Variants in XRRA1 observed in about 807,000 individuals in gnomAD.
The protein encoded by XRRA1 is X-ray radiation resistance associated 1, also known as X-ray radiation resistance-associated protein 1.
Under a neutral mutation model 80.2 loss-of-function variants are expected in XRRA1, and 69 were observed. The observed-to-expected ratio is 0.86, with a 90% CI of 0.71 to 1.05. The LOEUF (loss-of-function observed/expected upper bound fraction) is 1.05. Ranked by LOEUF, XRRA1 falls within the 50% of genes least tolerant of loss-of-function variation. XRRA1 has a pLI of 0.00. For synonymous variants in XRRA1, 348 were observed against 389.9 expected, an observed-to-expected ratio of 0.89 and a Z score of 1.27; for missense variants, 967 against 976.4, an observed-to-expected ratio of 0.99 and a Z score of 0.13.
chr11:74,930,594 T>C (rs951065654), intron 5 of XRRA1, among the ~76,000 whole-genome samples: 3 of 152,198 alleles, frequency 2.0e-5, no homozygotes, highest in Admixed American at 6.5e-5. Context: ...GGAATGACAC[T>C]CTGAAGACCC....
rs2036869175 is a variant in XRRA1 at position 74,843,255 on chromosome 11, AG to A, written c.2347del (p.Leu783SerfsTer48). On this transcript the variant is annotated frameshift_variant, in exon 19 of 19. Coordinates refer to ENST00000684022, the MANE Select transcript of XRRA1 (RefSeq NM_001378157.1). LOFTEE classifies it high-confidence loss of function. ...CTGGCAGAACTCATCCATGAACTCGAGGAAGTGGCCGAACTTGGGCTGGCTC... is the reference window on the plus strand; with the variant it reads ...CTGGCAGAACTCATCCATGAACTCGAGAAGTGGCCGAACTTGGGCTGGCTC... ...SESQPKFGHF[L>X]EFMDEFCQEP... is the part of the protein sequence containing the mutation. 8.3e-6 allele frequency: 13 copies of A among 1,570,928 alleles called. No individual in the cohort carries two copies. The highest frequency in any genetic ancestry group is 1.0e-5 in the Non-Finnish European group (12 of 1,158,174).
intron 10 of XRRA1, among the ~76,000 whole-genome samples, chr11:74,881,732 G>A (rs1307803659): frequency 6.6e-6 from 1 of 151,868 alleles, no homozygotes; most frequent in East Asian, 1.9e-4. Flanking sequence ...GCATTTGCTT[G>A]TCTGTAAAGG....
intron 4 of XRRA1, 89 bp downstream of exon 4, chr11:74,936,795 G>A (rs1945092851): frequency 7.0e-7 from 1 of 1,427,056 alleles, no homozygotes; most frequent in Non-Finnish European, 9.4e-7. Flanking sequence ...TAGATTGGGG[G>A]TAGTTGTGCC....
chr11:74,880,869 G>A (rs1450442415), intron 10 of XRRA1, among the ~76,000 whole-genome samples: 2 of 151,482 alleles, frequency 1.3e-5, no homozygotes, highest in Non-Finnish European at 2.9e-5. Flanking sequence ...GCTGAGGAGA[G>A]TTTTACTTCC....
rs148033595 is a variant in XRRA1 at position 74,934,274 on chromosome 11, T to C, written c.280-402A>G. The stretch of plus-strand genomic sequence containing the variant: ...TCTATGCACTTTTGACTGCCATATG[T>C]CACCCGACATAATTTAAAAGTTAGA... On this transcript the variant is annotated intron_variant, in intron 4 of 18. Transcript: ENST00000684022. Among the ~76,000 whole-genome samples the C allele has an allele frequency of 7.2e-4, 109 of 152,364 alleles. 2 individuals are homozygous for C. The East Asian group carries it at 0.014, about 20-fold the overall frequency.
At chr11:74,865,683 A>G (rs1456361087) in intron 10 of XRRA1, among the ~76,000 whole-genome samples, 1 of 152,184 alleles carries the variant, frequency 6.6e-6, no homozygotes, top group African/African-American at 2.4e-5. Flanking sequence ...TTCCTACAAC[A>G]GATCCCAACA....
chr11:74,930,477 A>T, intron 5 of XRRA1, 105 bp from the exon 6 acceptor site: 2 of 877,858 alleles, frequency 2.3e-6, no homozygotes, highest in Non-Finnish European at 3.5e-6. Context: ...ACAAAGACCT[A>T]AAGGAATAAG....
At chr11:74,882,436 T>C (rs1229905118) in intron 10 of XRRA1, among the ~76,000 whole-genome samples, 1 of 151,898 alleles carries the variant, frequency 6.6e-6, no homozygotes, top group Non-Finnish European at 1.5e-5. Context: ...AGTTTTCAAC[T>C]TCTTTGACTT....
chr11:74,929,968 C>T (rs973332120), intron 6 of XRRA1, among the ~76,000 whole-genome samples: 1 of 152,164 alleles, frequency 6.6e-6, no homozygotes, highest in Non-Finnish European at 1.5e-5. Context: ...AGGCTTTATG[C>T]TCCTACAGGA....
At chr11:74,843,526 G>T in intron 18 of XRRA1, 73 bp from the exon 19 acceptor site, 1 of 1,536,364 alleles carries the variant, frequency 6.5e-7, no homozygotes, top group Non-Finnish European at 8.8e-7. Flanking sequence ...AGAGGATTGG[G>T]TCCAGAGACC....
intron 8 of XRRA1, chr11:74,919,101 C>A (rs774172017): frequency 2.0e-5 from 3 of 152,314 alleles, no homozygotes; most frequent in African/African-American, 7.2e-5. Context: ...TTCTAACAGC[C>A]ATGTAACCAA....
At chr11:74,873,467 G>T (rs1230717302) in intron 10 of XRRA1, among the ~76,000 whole-genome samples, 1 of 152,154 alleles carries the variant, frequency 6.6e-6, no homozygotes, top group Non-Finnish European at 1.5e-5. Context: ...GTTACATCCT[G>T]ACTCTCAATA....
rs1461952856 is a variant in XRRA1 at position 74,892,120 on chromosome 11, A to G, written c.1003+14119T>C. Among the ~76,000 whole-genome samples the G allele has an allele frequency of 5.3e-5, 8 of 152,316 alleles. No homozygotes were observed. In the East Asian group the frequency reaches 1.5e-3, roughly 29 times the overall value. ...AAGTCAATCCTAAGCCAAAAGAACA[A>G]AGCTGGAGGCATCACGCTACCTGAC... is the stretch of plus-strand genomic sequence containing the variant. On this transcript the variant is annotated intron_variant, in intron 10 of 18. Coordinates refer to ENST00000684022, the MANE Select transcript of XRRA1 (RefSeq NM_001378157.1).
rs2036466689 is a variant in XRRA1, at chr11:74,841,082, T to C, written c.*2118A>G. 1 of 152,078 alleles carries C rather than the reference T, an allele frequency of 6.6e-6. No individual in the cohort carries two copies. The highest frequency in any genetic ancestry group is 6.6e-5 in the Admixed American group (1 of 15,264). The allele number at this position is 152,078 out of a possible 1,614,324, so 9.4% of individuals were successfully genotyped here. ...AATATGAATGTGGAATCTTGGAAAG[T>C]GATATATTTTGATTGGAATAATTTT... On this transcript the variant is annotated 3_prime_UTR_variant, in exon 19 of 19. Coordinates refer to ENST00000684022, the MANE Select transcript of XRRA1 (RefSeq NM_001378157.1).
chr11:74,842,788 A>G lies in XRRA1; in HGVS notation c.*412T>C, dbSNP rs562196451. 2.1e-5 allele frequency: 4 copies of G among 188,358 alleles called. No homozygotes were observed. The South Asian group carries it at 5.3e-4, about 25-fold the overall frequency. The allele number at this position is 188,358 out of a possible 1,614,324, so 11.7% of individuals were successfully genotyped here. A position where few individuals can be genotyped will look rare whatever the true frequency, so the allele number is the denominator to read the frequency against. On this transcript the variant is annotated 3_prime_UTR_variant, in exon 19 of 19. Transcript: ENST00000684022. ...CTCACAAGATCTGGTTTTTAAAAAT[A>G]CCCTTTTTTGGAGCCATTGTTCAGG...
intron 2 of XRRA1, among the ~76,000 whole-genome samples, chr11:74,944,150 G>A (rs1237235576): frequency 1.3e-5 from 2 of 152,096 alleles, no homozygotes; most frequent in African/African-American, 2.4e-5. Context: ...TATTTCTTTC[G>A]TGGCCCGACC....
rs1290339374 is a variant in XRRA1, at chr11:74,845,059, A to G, written c.1927+14T>C. ...TGGCCTCTTGCCCTAGAGCAAGGAT[A>G]TGCCCTCACATACCCTTTGGCTCAA... is the stretch of plus-strand genomic sequence containing the variant. On this transcript the variant is annotated intron_variant, in intron 16 of 18. Transcript: ENST00000684022. 1 of 1,612,262 alleles carries G rather than the reference A, an allele frequency of 6.2e-7. No individual in the cohort carries two copies. Among genetic ancestry groups the G allele is most frequent in the Non-Finnish European group, 8.5e-7 (1 of 1,179,460 alleles).
At chr11:74,888,813 T>C (rs1033906041) in intron 10 of XRRA1, among the ~76,000 whole-genome samples, 8 of 152,042 alleles carry the variant, frequency 5.3e-5, no homozygotes, top group East Asian at 1.9e-4. Context: ...GTATCAGTGA[T>C]GGAAGATCAA....
chr11:74,940,202 G>A (rs574344117), intron 3 of XRRA1, among the ~76,000 whole-genome samples: 23 of 152,252 alleles, frequency 1.5e-4, no homozygotes, highest in African/African-American at 4.1e-4. Flanking sequence ...CCCTGCTCCA[G>A]GGAAGTTTTT....
Sources: allele counts gnomAD v4.1 joint callset (sites outside exome capture counted in the v4.1 genomes callset), GRCh38; gene constraint gnomAD v4.1.1; transcripts MANE v1.5; gene names NCBI Gene and HGNC (gene_info 2026-07-23, HGNC 2026-07-21).